Variants in WWOX observed in about 807,000 individuals in gnomAD.
WWOX encodes the protein WW domain-containing oxidoreductase.
A neutral mutation model predicts 46.2 loss-of-function variants in WWOX; 69 were observed. That is an observed-to-expected ratio of 1.49 (90% CI 1.23 to 1.82). The LOEUF (loss-of-function observed/expected upper bound fraction) is 1.82. Ranked by LOEUF, WWOX falls within the 40% of genes most tolerant of loss-of-function variation. The pLI is 0.00. For synonymous variants in WWOX, 359 were observed against 202.6 expected, an observed-to-expected ratio of 1.77 and a Z score of -6.56; for missense variants, 919 against 542.6, an observed-to-expected ratio of 1.69 and a Z score of -6.89.
At chr16:79,197,505 G>T (rs758296631) in intron 8 of WWOX, among the ~76,000 whole-genome samples, 1 of 151,650 alleles carries the variant, frequency 6.6e-6, no homozygotes, top group Non-Finnish European at 1.5e-5. Context: ...ACACTTACTG[G>T]TACACCACTG....
At chr16:78,406,321 T>TATAA (rs1465425503) in intron 6 of WWOX, among the ~76,000 whole-genome samples, 8 of 80,856 alleles carry the variant, frequency 9.9e-5, no homozygotes, top group Non-Finnish European at 1.5e-4. Flanking sequence ...TATATATATA[T>TATAA]ATATATATAT....
chr16:79,053,350 C>T lies in WWOX; in HGVS notation c.1057-158258C>T, dbSNP rs547287819. The stretch of plus-strand genomic sequence containing the variant: ...TAATGTGATTCCTGCATCCCAGCAA[C>T]GTGGCCCTGCTTCTTAGTGCGCACG... On this transcript the variant is annotated intron_variant, in intron 8 of 8. Coordinates refer to ENST00000566780, the MANE Select transcript of WWOX (RefSeq NM_016373.4). Among the ~76,000 whole-genome samples the T allele has an allele frequency of 2.2e-4, 33 of 152,260 alleles. No individual in the cohort carries two copies. The South Asian group carries it at 3.9e-3, about 18-fold the overall frequency.
chr16:78,622,536 C>G (rs1372133917), intron 8 of WWOX, among the ~76,000 whole-genome samples: 1 of 95,248 alleles, frequency 1.0e-5, no homozygotes, highest in Non-Finnish European at 2.4e-5. Context: ...GAGTGAAACT[C>G]CATCTTAAAA....
chr16:79,135,050 A>C (rs1366690407), intron 8 of WWOX, among the ~76,000 whole-genome samples: 1 of 152,228 alleles, frequency 6.6e-6, no homozygotes. Flanking sequence ...CTTATAAATA[A>C]AAAATATATA....
chr16:78,358,866 C>CTT (rs57364873), intron 5 of WWOX, among the ~76,000 whole-genome samples: 14,972 of 120,756 alleles, frequency 0.12, 1,806 homozygotes, highest in African/African-American at 0.31. Flanking sequence ...ACACTGTGGT[C>CTT]TTTTTTTTTT....
At chr16:78,895,056 G>A (rs1041591423) in intron 8 of WWOX, among the ~76,000 whole-genome samples, 10 of 152,146 alleles carry the variant, frequency 6.6e-5, no homozygotes, top group Admixed American at 1.3e-4. Context: ...TTGGTAGTAC[G>A]ATTAGGAAAA....
At chr16:78,475,864 C>T (rs2084337590) in intron 8 of WWOX, among the ~76,000 whole-genome samples, 2 of 152,046 alleles carry the variant, frequency 1.3e-5, no homozygotes, top group Admixed American at 6.6e-5. Flanking sequence ...CAAAATGCTG[C>T]GATTACATTT....
intron 5 of WWOX, among the ~76,000 whole-genome samples, chr16:78,367,040 T>C (rs1051079161): frequency 1.6e-4 from 23 of 145,552 alleles, no homozygotes; most frequent in African/African-American, 5.7e-4. Flanking sequence ...AGTGCAGTGG[T>C]GTGATTTCAG....
At chr16:78,240,209 G>T (rs139852816) in intron 5 of WWOX, among the ~76,000 whole-genome samples, 1 of 152,070 alleles carries the variant, frequency 6.6e-6, no homozygotes, top group African/African-American at 2.4e-5. Flanking sequence ...GGGCACAGTG[G>T]TGGGTGTGCC....
intron 8 of WWOX, among the ~76,000 whole-genome samples, chr16:78,743,212 T>C (rs995615648): frequency 6.6e-6 from 1 of 152,140 alleles, no homozygotes; most frequent in Non-Finnish European, 1.5e-5. Context: ...CTTTCTGCAC[T>C]GGAGAGCAAA....
At chr16:79,180,659 T>TTCTCTCTCTTC (rs1216093592) in intron 8 of WWOX, among the ~76,000 whole-genome samples, 83 of 137,728 alleles carry the variant, frequency 6.0e-4, no homozygotes, top group African/African-American at 3.6e-5. Flanking sequence ...CTCTTCTTCT[T>TTCTCTCTCTTC]TCTCTCTCTT....
At chr16:79,187,048 G>A (rs1356921125) in intron 8 of WWOX, among the ~76,000 whole-genome samples, 1 of 152,192 alleles carries the variant, frequency 6.6e-6, no homozygotes, top group Non-Finnish European at 1.5e-5. Context: ...AATGTGCAGA[G>A]CAGGAAGTAG....
chr16:78,422,012 T>C (rs966481390), intron 6 of WWOX, among the ~76,000 whole-genome samples: 1 of 152,198 alleles, frequency 6.6e-6, no homozygotes, highest in Admixed American at 6.5e-5. Flanking sequence ...TGAATAAATA[T>C]GCTAATTTGA....
At chr16:78,863,448 C>G (rs141125589) in intron 8 of WWOX, among the ~76,000 whole-genome samples, 2 of 152,108 alleles carry the variant, frequency 1.3e-5, no homozygotes, top group Non-Finnish European at 2.9e-5. Context: ...CCATTTGTAC[C>G]TGGGAAGAGG....
At chr16:78,274,705 T>C (rs1021056436) in intron 5 of WWOX, among the ~76,000 whole-genome samples, 1 of 152,232 alleles carries the variant, frequency 6.6e-6, no homozygotes, top group African/African-American at 2.4e-5. Context: ...TTCCTGGACA[T>C]GTTCAATGCT....
chr16:78,852,087 C>G (rs565971173), intron 8 of WWOX, among the ~76,000 whole-genome samples: 1 of 152,246 alleles, frequency 6.6e-6, no homozygotes, highest in South Asian at 2.1e-4. Context: ...TTTTCATTCT[C>G]TCATCTCATT....
chr16:78,127,032 A>T (rs1043367683), intron 4 of WWOX, among the ~76,000 whole-genome samples: 1 of 152,188 alleles, frequency 6.6e-6, no homozygotes, highest in African/African-American at 2.4e-5. Context: ...ATTGGTAGCA[A>T]GTTTCTATCT....
At chr16:78,737,164 A>C (rs1396902036) in intron 8 of WWOX, among the ~76,000 whole-genome samples, 1 of 151,506 alleles carries the variant, frequency 6.6e-6, no homozygotes, top group African/African-American at 2.4e-5. Context: ...CAGTGGTATG[A>C]TCTCGGCTCA....
intron 8 of WWOX, among the ~76,000 whole-genome samples, chr16:79,129,716 A>C (rs1372635091): frequency 6.6e-6 from 1 of 152,116 alleles, no homozygotes; most frequent in Non-Finnish European, 1.5e-5. Context: ...TGATTTATTA[A>C]AATCTAAAGC....
Sources: allele counts gnomAD v4.1 joint callset (sites outside exome capture counted in the v4.1 genomes callset), GRCh38; gene constraint gnomAD v4.1.1; transcripts MANE v1.5; gene names NCBI Gene and HGNC (gene_info 2026-07-23, HGNC 2026-07-21).